DYNC1I1: variants seen among roughly 807,000 people sequenced by gnomAD.
The protein encoded by DYNC1I1 is dynein cytoplasmic 1 intermediate chain 1.
DYNC1I1 carries 43 observed loss-of-function variants against 86.6 expected under a neutral mutation model. The ratio of observed to expected loss-of-function variants is 0.50; its 90% CI spans 0.39 to 0.64. The LOEUF is 0.64. DYNC1I1 is among the 30% of genes least tolerant of loss of function. The pLI is 0.00. For missense variants in DYNC1I1, 604 were observed against 788.8 expected, an observed-to-expected ratio of 0.77 and a Z score of 2.81; for synonymous variants, 262 against 283.7, an observed-to-expected ratio of 0.92 and a Z score of 0.77.
intron 6 of DYNC1I1, among the ~76,000 whole-genome samples, chr7:95,955,513 C>T (rs1792687347): frequency 6.6e-6 from 1 of 151,984 alleles, no homozygotes; most frequent in Non-Finnish European, 1.5e-5. Flanking sequence ...TTTTTAGAGA[C>T]AGGGTCTCGC....
At chr7:95,854,064 T>C (rs574841041) in intron 5 of DYNC1I1, among the ~76,000 whole-genome samples, 24 of 152,322 alleles carry the variant, frequency 1.6e-4, no homozygotes, top group African/African-American at 5.8e-4. Context: ...GTGAGTCTCT[T>C]GTAGGCAGCG....
At chr7:95,850,885 G>A (rs1054470884) in intron 5 of DYNC1I1, among the ~76,000 whole-genome samples, 1 of 152,054 alleles carries the variant, frequency 6.6e-6, no homozygotes, top group Non-Finnish European at 1.5e-5. Context: ...CTACTCTTGT[G>A]CTTTGGGGCC....
chr7:95,964,017 T>C (rs1220922766), intron 6 of DYNC1I1, among the ~76,000 whole-genome samples: 1 of 152,154 alleles, frequency 6.6e-6, no homozygotes, highest in Non-Finnish European at 1.5e-5. Context: ...GACTTCATAT[T>C]TGAGCCAATG....
At chr7:96,030,257 T>C (rs1037318761) in intron 11 of DYNC1I1, among the ~76,000 whole-genome samples, 5 of 151,564 alleles carry the variant, frequency 3.3e-5, no homozygotes, top group Non-Finnish European at 5.9e-5. Context: ...ATTTCCAAGA[T>C]AAATAAAAAC....
intron 6 of DYNC1I1, among the ~76,000 whole-genome samples, chr7:95,913,409 TA>T (rs1356417956): frequency 6.6e-6 from 1 of 152,144 alleles, no homozygotes; most frequent in East Asian, 1.9e-4. Context: ...GTAGCTCCCA[TA>T]AACCCCAGGT....
chr7:96,072,465 GTTC>G (rs1790199031), intron 14 of DYNC1I1, among the ~76,000 whole-genome samples: 1 of 152,048 alleles, frequency 6.6e-6, no homozygotes, highest in Non-Finnish European at 1.5e-5. Flanking sequence ...TTTGAAAAAT[GTTC>G]TTTACAGTAA....
At position 95,804,725 on chromosome 7, in the gene DYNC1I1, C is replaced by T. The variant is rs770291514; in HGVS notation, c.-5C>T. 23 of 1,582,438 alleles carry T rather than the reference C, an allele frequency of 1.5e-5. No individual in the cohort carries two copies. Among genetic ancestry groups the T allele is most frequent in the Non-Finnish European group, 1.8e-5 (21 of 1,167,634 alleles). On this transcript the variant is annotated 5_prime_UTR_variant, in exon 2 of 17. Transcript: ENST00000447467. ...TTTTTTTTCTCTTTCTCCAAGGAAA[C>T]CAACATGTCTGACAAAAGTGACTTA...
chr7:95,928,519 C>T (rs928081333), intron 6 of DYNC1I1, among the ~76,000 whole-genome samples: 12 of 152,078 alleles, frequency 7.9e-5, no homozygotes, highest in Admixed American at 2.0e-4. Flanking sequence ...GTTCTCTGCA[C>T]GGGCTCCCAC....
intron 5 of DYNC1I1, among the ~76,000 whole-genome samples, chr7:95,831,863 G>A (rs1179593781): frequency 6.6e-6 from 1 of 151,574 alleles, no homozygotes; most frequent in Non-Finnish European, 1.5e-5. Flanking sequence ...CTATTGAGTT[G>A]TTTCAGTTCT....
chr7:95,818,473 ATTTTT>A (rs10590197), intron 4 of DYNC1I1: 389 of 572,980 alleles, frequency 6.8e-4, no homozygotes, highest in South Asian at 1.5e-3. Context: ...AGCTGATTTA[ATTTTT>A]TTTTTTTTTT....
chr7:95,990,522 G>C (rs189553003), intron 9 of DYNC1I1, among the ~76,000 whole-genome samples: 2 of 152,112 alleles, frequency 1.3e-5, no homozygotes, highest in Non-Finnish European at 1.5e-5. Context: ...AGGAAACAGC[G>C]TCTTACTGGT....
chr7:95,804,692 T>G, intron 1 of DYNC1I1, 29 bp from the exon 2 acceptor site: 1 of 1,542,500 alleles, frequency 6.5e-7, no homozygotes. Flanking sequence ...TTTATATATA[T>G]GTTCACTTTT....
At chr7:96,017,274 C>T (rs1247186141) in intron 10 of DYNC1I1, among the ~76,000 whole-genome samples, 1 of 152,048 alleles carries the variant, frequency 6.6e-6, no homozygotes, top group Non-Finnish European at 1.5e-5. Context: ...CAAAGGCAAC[C>T]ATATATTCAT....
At position 96,097,514 on chromosome 7, in the gene DYNC1I1, G is replaced by A. The variant is rs767986943; in HGVS notation, c.1808G>A (p.Arg603Gln). Residue 603 changes from arginine to glutamine, a missense_variant, in exon 17 of 17, where the codon CGA (arginine) becomes CAA (glutamine). Physicochemically the swap from Arg to Gln is conservative, Grantham distance 43 (BLOSUM62 1). Coordinates refer to ENST00000447467, the MANE Select transcript of DYNC1I1 (RefSeq NM_001135556.2). ...GTTCCCCACAATGATGAATGGACCC[G>A]ATTTGCCAGGACCCTTGTGGAAATT... is the stretch of plus-strand genomic sequence containing the variant. ...LAVPHNDEWT[R>Q]FARTLVEIRA... is the part of the protein sequence containing the mutation. 7 of 1,613,630 alleles carry A rather than the reference G, an allele frequency of 4.3e-6. No individual in the cohort carries two copies. Among genetic ancestry groups the A allele is most frequent in the Admixed American group, 1.7e-5 (1 of 59,966 alleles).
chr7:95,987,236 T>G, intron 9 of DYNC1I1, 81 bp downstream of exon 9: 1 of 1,252,740 alleles, frequency 8.0e-7, no homozygotes, highest in Non-Finnish European at 1.1e-6. Flanking sequence ...ATTTGTTTAC[T>G]TGCCTACGAT....
At chr7:96,093,176 C>T (rs950727325) in intron 16 of DYNC1I1, among the ~76,000 whole-genome samples, 5 of 152,242 alleles carry the variant, frequency 3.3e-5, no homozygotes, top group African/African-American at 1.2e-4. Context: ...ATTTGACTGA[C>T]AATTTAAAGA....
intron 6 of DYNC1I1, among the ~76,000 whole-genome samples, chr7:95,902,101 G>A (rs928610754): frequency 6.6e-5 from 10 of 152,082 alleles, no homozygotes; most frequent in Admixed American, 1.3e-4. Flanking sequence ...ATTTAAGGGC[G>A]GCTCTAAAGT....
chr7:95,783,680 T>C (rs540814493), intron 1 of DYNC1I1, among the ~76,000 whole-genome samples: 4 of 152,330 alleles, frequency 2.6e-5, no homozygotes, highest in African/African-American at 9.6e-5. Flanking sequence ...AACATTTCAA[T>C]TAATGTTTTA....
At chr7:95,907,345 C>T (rs996608117) in intron 6 of DYNC1I1, among the ~76,000 whole-genome samples, 1 of 152,090 alleles carries the variant, frequency 6.6e-6, no homozygotes, top group East Asian at 1.9e-4. Flanking sequence ...CATATAATTG[C>T]CAGAATGACC....
Sources: gnomAD v4.1 joint callset for allele counts (sites outside exome capture counted in the v4.1 genomes callset) on GRCh38, gnomAD v4.1.1 for gene constraint, MANE v1.5 for transcripts, NCBI Gene and HGNC (gene_info 2026-07-23, HGNC 2026-07-21) for gene names.